Variants in C8B observed in about 807,000 individuals in gnomAD.
The protein encoded by C8B is complement C8 beta chain.
In C8B, 67 loss-of-function variants were observed where a neutral mutation model predicts 64.6. The ratio of observed to expected loss-of-function variants is 1.04; its 90% CI spans 0.85 to 1.27. C8B has a LOEUF of 1.27. Among genes scored for constraint, C8B ranks in the 50% most tolerant of loss-of-function variants. The pLI, the probability that C8B is intolerant of heterozygous loss-of-function variation, is 0.00. For missense variants in C8B, 790 were observed against 725.2 expected (o/e 1.09, Z -1.03); for synonymous variants, 284 against 257.7 (o/e 1.10, Z -0.98).
chr1:56,956,702 C>G, intron 3 of C8B, 67 bp downstream of exon 3: 2 of 1,572,230 alleles, frequency 1.3e-6, no homozygotes, highest in Non-Finnish European at 1.7e-6. Context: ...CATGGCCTGT[C>G]CCTTGGTCAT....
At chr1:56,931,994 T>C (rs1027322372) in intron 10 of C8B, 116 bp from the exon 11 acceptor site, 11 of 756,032 alleles carry the variant, frequency 1.5e-5, no homozygotes, top group African/African-American at 1.7e-5. Flanking sequence ...CATATTTAGT[T>C]AAATGGCTTG....
In C8B at chr1:56,945,825, T is replaced by C; in HGVS notation, c.1101A>G (p.Arg367=). Residue 367 remains arginine (R), a synonymous_variant, in exon 7 of 12, where the codon AGA becomes AGG. Transcript: ENST00000371237. Reference sequence around the variant, plus strand: ...ATGGTCCCTTGGGCAGTATACCTCCTCTCTCCATGGCCTCTTTGTTCATAA... The same window carrying C: ...ATGGTCCCTTGGGCAGTATACCTCCCCTCTCCATGGCCTCTTTGTTCATAA... ...TLVMNKEAME[R]GDYTLNNVHA... 1 of 1,614,122 alleles carries C rather than the reference T, an allele frequency of 6.2e-7. No homozygotes were observed. Among genetic ancestry groups the C allele is most frequent in the Non-Finnish European group, 8.5e-7 (1 of 1,179,994 alleles).
intron 11 of C8B, among the ~76,000 whole-genome samples, chr1:56,930,429 A>G (rs1486374303): frequency 6.6e-6 from 1 of 152,194 alleles, no homozygotes; most frequent in Non-Finnish European, 1.5e-5. Flanking sequence ...TTGAAAAATA[A>G]GAGAGCTGGA....
chr1:56,961,597 C>T (rs1210273859), intron 1 of C8B, among the ~76,000 whole-genome samples: 1 of 152,162 alleles, frequency 6.6e-6, no homozygotes, highest in South Asian at 2.1e-4. Context: ...ATAATCTCTT[C>T]CAACATCTAT....
rs12067507 is a variant in C8B, at chr1:56,956,838, C to T, written c.322G>A (p.Glu108Lys). 0.052 allele frequency: 83,960 copies of T among 1,614,010 alleles called. 2,467 individuals are homozygous for T. Among genetic ancestry groups the T allele is most frequent in the Middle Eastern group, 0.085 (517 of 6,062 alleles). ...EPCNFSDKEV[E>K]DCVTNRPCGS... ...CATGGTCTGTTGGTAACACAGTCTT[C>T]GACTTCCTTGTCAGAGAAGTTGCAC... Residue 108 changes from glutamate (E) to lysine (K), a missense_variant, in exon 3 of 12, where the codon GAA (glutamate) becomes AAA (lysine). Physicochemically the swap from Glu to Lys is moderately conservative, Grantham distance 56. Coordinates refer to ENST00000371237, the MANE Select transcript of C8B (RefSeq NM_000066.4).
In C8B at chr1:56,952,191, G is replaced by A; in HGVS notation, c.534-11C>T. On this transcript the variant is annotated splice_polypyrimidine_tract_variant and intron_variant, in intron 4 of 11. Coordinates refer to ENST00000371237, the MANE Select transcript of C8B (RefSeq NM_000066.4). ...GTGAACAAATTTATCCTGTGAGGAA[G>A]AGACAGAGATGGCGAAGAGGTTAAA... 6.2e-7 allele frequency: 1 copy of A among 1,614,142 alleles called. No homozygotes were observed. The highest frequency in any genetic ancestry group is 2.2e-5 in the East Asian group (1 of 44,888).
intron 6 of C8B, among the ~76,000 whole-genome samples, chr1:56,949,270 A>AATGCTGTT (rs1644986131): frequency 6.6e-6 from 1 of 152,158 alleles, no homozygotes; most frequent in Non-Finnish European, 1.5e-5. Flanking sequence ...GGAGAGGGTT[A>AATGCTGTT]GTTATCGTAG....
At position 56,952,055 on chromosome 1, in the gene C8B, G is replaced by T. The variant is rs374321085; in HGVS notation, c.659C>A (p.Thr220Lys). ...TACCTGGCTGTCTCTTACCTGTGGC[G>T]TGTAGCTTTCCACATTGTAGGGCTT... ...FRKPYNVESY[T>K]PQTQGKYEFI... Residue 220 changes from threonine to lysine, a missense_variant, in exon 5 of 12, where the codon ACG becomes AAG. By Grantham distance (78) the Thr-to-Lys change is moderately conservative. Transcript: ENST00000371237. 138 of 1,614,054 alleles carry T rather than the reference G, an allele frequency of 8.5e-5. 1 individual carries two copies. The South Asian group carries it at 1.4e-3, about 17-fold the overall frequency.
Position 56,965,770 on chromosome 1 carries a change from C to A in C8B, c.92+87G>T, listed in dbSNP as rs1043101413. The A allele has an allele frequency of 1.6e-5, 22 of 1,410,158 alleles. No homozygotes were observed. The African/African-American group carries it at 3.0e-4, about 19-fold the overall frequency. 87.4% of individuals were successfully genotyped at this position (1,410,158 alleles called of 1,614,324 possible). ...TAAGAGACGTTCCTCATTCAATAGG[C>A]ATGCAACAAAGAGATGGTCAGCATC... On this transcript the variant is annotated intron_variant, in intron 1 of 11. Transcript: ENST00000371237.
chr1:56,945,988 A>T lies in C8B; in HGVS notation c.938T>A (p.Leu313His), dbSNP rs1230610842. ...AACTCTCTGAAGGAACTCGTAATGG[A>T]GCATGAGGCTTCTGGGTTTCAGCTT... ...HYKLKPRSLM[L>H]HYEFLQRVKR... Residue 313 changes from leucine to histidine, a missense_variant, in exon 7 of 12, where the codon CTC becomes CAC. By Grantham distance (99) the Leu-to-His change is moderately conservative. Coordinates refer to ENST00000371237, the MANE Select transcript of C8B (RefSeq NM_000066.4). The T allele has an allele frequency of 6.2e-7, 1 of 1,614,162 alleles. No homozygotes were observed. Among genetic ancestry groups the T allele is most frequent in the Admixed American group, 1.7e-5 (1 of 60,018 alleles).
intron 1 of C8B, chr1:56,964,058 G>A (rs575728489): frequency 1.0e-6 from 1 of 974,186 alleles, no homozygotes; most frequent in Non-Finnish European, 1.2e-6. Flanking sequence ...CCAGATTCAG[G>A]TAAGGGTTTG....
intron 3 of C8B, among the ~76,000 whole-genome samples, chr1:56,956,229 C>T (rs972276782): frequency 6.6e-6 from 1 of 152,172 alleles, no homozygotes; most frequent in Non-Finnish European, 1.5e-5. Context: ...TTCTACTTAA[C>T]CCCAGACCTC....
chr1:56,944,739 T>C (rs531480157), intron 7 of C8B, among the ~76,000 whole-genome samples: 1 of 152,344 alleles, frequency 6.6e-6, no homozygotes, highest in South Asian at 2.1e-4. Flanking sequence ...ACCATTTTTA[T>C]GCAGGAAGGT....
At chr1:56,952,737 C>CAAGCCAATTAAACCTTGGGT (rs1190267331) in intron 4 of C8B, among the ~76,000 whole-genome samples, 11 of 152,206 alleles carry the variant, frequency 7.2e-5, no homozygotes, top group African/African-American at 2.7e-4. Context: ...TGACCTTGGG[C>CAAGCCAATTAAACCTTGGGT]AAGCCAATTA....
At position 56,965,963 on chromosome 1, in the gene C8B, A is replaced by G. The variant is rs1042768010; in HGVS notation, c.-15T>C. On this transcript the variant is annotated 5_prime_UTR_variant, in exon 1 of 12. Coordinates refer to ENST00000371237, the MANE Select transcript of C8B (RefSeq NM_000066.4). ...GAATTCTTCATTTTCCCAATGTGAC[A>G]GGAGATGCCACAGAGGCTGCTAGAC... The G allele has an allele frequency of 5.6e-6, 9 of 1,613,534 alleles. No individual in the cohort carries two copies. Among genetic ancestry groups the G allele is most frequent in the Non-Finnish European group, 7.6e-6 (9 of 1,179,996 alleles).
chr1:56,934,715 T>G (rs148095478), intron 9 of C8B, among the ~76,000 whole-genome samples: 1,779 of 152,236 alleles, frequency 0.012, 28 homozygotes, highest in Non-Finnish European at 0.015. Flanking sequence ...GGTCCCATTG[T>G]CTCACCATTT....
chr1:56,943,421 A>G (rs181075621), intron 8 of C8B, among the ~76,000 whole-genome samples: 1 of 152,366 alleles, frequency 6.6e-6, no homozygotes, highest in Admixed American at 6.5e-5. Flanking sequence ...ATAGAAGTGA[A>G]CTAACTATAG....
intron 9 of C8B, among the ~76,000 whole-genome samples, chr1:56,938,341 T>A (rs1644802952): frequency 6.6e-6 from 1 of 152,252 alleles, no homozygotes; most frequent in African/African-American, 2.4e-5. Flanking sequence ...ATGTGGGCTT[T>A]AATTCTGTTA....
chr1:56,956,641 G>T, intron 3 of C8B, 128 bp downstream of exon 3: 1 of 922,720 alleles, frequency 1.1e-6, no homozygotes, highest in Non-Finnish European at 1.8e-6. Flanking sequence ...AGAGATTTTA[G>T]GACAAGGAGG....
Sources: gnomAD v4.1 joint callset for allele counts (sites outside exome capture counted in the v4.1 genomes callset) on GRCh38, gnomAD v4.1.1 for gene constraint, MANE v1.5 for transcripts, NCBI Gene and HGNC (gene_info 2026-07-23, HGNC 2026-07-21) for gene names.